Variants in ST6GALNAC6 observed in about 807,000 individuals in gnomAD.
ST6GALNAC6 encodes the protein ST6 N-acetylgalactosaminide alpha-2,6-sialyltransferase 6, also known as alpha-N-acetylgalactosaminide alpha-2,6-sialyltransferase 6.
In ST6GALNAC6, 19 loss-of-function variants were observed where a neutral mutation model predicts 34.3. That is an observed-to-expected ratio of 0.55 (90% CI 0.39 to 0.81). ST6GALNAC6 has a LOEUF of 0.81. ST6GALNAC6 is among the 40% of genes least tolerant of loss of function. ST6GALNAC6 has a pLI of 0.00. For synonymous variants in ST6GALNAC6, 185 were observed against 182.1 expected (o/e 1.02, Z -0.13); for missense variants, 377 against 467.7 (o/e 0.81, Z 1.79).
At chr9:127,898,318 G>A (rs1282298078) in intron 1 of ST6GALNAC6, among the ~76,000 whole-genome samples, 1 of 152,150 alleles carries the variant, frequency 6.6e-6, no homozygotes, top group Non-Finnish European at 1.5e-5. Context: ...GCTTGAACCC[G>A]GGAGGCGGAG....
chr9:127,897,679 A>C (rs949776987), intron 2 of ST6GALNAC6: 12 of 700,552 alleles, frequency 1.7e-5, no homozygotes, highest in Admixed American at 3.2e-5. Context: ...CCGTTAGAGC[A>C]AAAGACAGGA....
chr9:127,897,147 A>G, intron 2 of ST6GALNAC6: 2 of 982,844 alleles, frequency 2.0e-6, no homozygotes, highest in Non-Finnish European at 2.4e-6. Context: ...TGCTCCGCAC[A>G]CCCCAATCTC....
rs1384368996 is a variant in ST6GALNAC6, at chr9:127,886,340, CT to C, written c.*258del. 9.3e-7 allele frequency: 1 copy of C among 1,077,392 alleles called. No homozygotes were observed. 66.7% of individuals were successfully genotyped at this position (1,077,392 alleles called of 1,614,324 possible). A position where few individuals can be genotyped will look rare whatever the true frequency, so the allele number is the denominator to read the frequency against. ...CCTCAGATTGACTCAGAAATACCCC[CT>C]CTACCCTGATTGACTGTGCGCAGAC... On this transcript the variant is annotated 3_prime_UTR_variant, in exon 7 of 7. Coordinates refer to ENST00000373146, the MANE Select transcript of ST6GALNAC6 (RefSeq NM_013443.5).
chr9:127,905,606 T>C (rs756565110), upstream of ST6GALNAC6, among the ~76,000 whole-genome samples: 4 of 151,932 alleles, frequency 2.6e-5, no homozygotes, highest in Non-Finnish European at 4.4e-5. Flanking sequence ...AGACAACCAA[T>C]GGGGCAGGGG....
At chr9:127,896,719 G>A (rs1234439792) in intron 2 of ST6GALNAC6, among the ~76,000 whole-genome samples, 3 of 152,122 alleles carry the variant, frequency 2.0e-5, no homozygotes, top group African/African-American at 4.8e-5. Context: ...GTAGGCCCCC[G>A]AACTCCTCTG....
chr9:127,905,048 C>T (rs531666410), intron 1 of ST6GALNAC6: 3 of 252,908 alleles, frequency 1.2e-5, no homozygotes, highest in Admixed American at 6.5e-5. Context: ...GAGGCTTCCC[C>T]GGCTTCCCCT....
chr9:127,894,020 G>A (rs1307782078), intron 4 of ST6GALNAC6, among the ~76,000 whole-genome samples: 2 of 152,168 alleles, frequency 1.3e-5, no homozygotes, highest in African/African-American at 4.8e-5. Context: ...CCCTCACTGT[G>A]TGGCCTTAGA....
chr9:127,904,035 A>G (rs1026912318), upstream of ST6GALNAC6: 2 of 152,208 alleles, frequency 1.3e-5, no homozygotes, highest in Admixed American at 6.5e-5. Context: ...CTTGGGCCCC[A>G]AGAACGACAG....
chr9:127,891,354 G>C (rs986186553), intron 4 of ST6GALNAC6, among the ~76,000 whole-genome samples: 3 of 152,160 alleles, frequency 2.0e-5, no homozygotes, highest in African/African-American at 4.8e-5. Flanking sequence ...TGTAGCTCAT[G>C]CCTGTAATCC....
In ST6GALNAC6 at chr9:127,897,995, G is replaced by C. The variant is rs1830576369; in HGVS notation, c.-14C>G. 6.7e-7 allele frequency: 1 copy of C among 1,490,796 alleles called. No individual in the cohort carries two copies. The highest frequency in any genetic ancestry group is 9.3e-7 in the Non-Finnish European group (1 of 1,074,528). The allele number at this position is 1,490,796 out of a possible 1,614,324, so 92.3% of individuals were successfully genotyped here. A position where few individuals can be genotyped will look rare whatever the true frequency, so the allele number is the denominator to read the frequency against. ...CGAGCAAGCCATGTGACCTCTCTGA[G>C]CCTCAGTTTCCTCATCTGTGAAATG... On this transcript the variant is annotated 5_prime_UTR_variant, in exon 2 of 7. Transcript: ENST00000373146.
intron 4 of ST6GALNAC6, among the ~76,000 whole-genome samples, chr9:127,892,107 A>G (rs1385652689): frequency 1.3e-5 from 2 of 152,142 alleles, no homozygotes; most frequent in African/African-American, 2.4e-5. Context: ...CCCGAGATCG[A>G]GCCATTGCAC....
At chr9:127,892,954 G>C (rs1830236029) in intron 4 of ST6GALNAC6, among the ~76,000 whole-genome samples, 1 of 152,122 alleles carries the variant, frequency 6.6e-6, no homozygotes, top group Non-Finnish European at 1.5e-5. Flanking sequence ...TTCTGGGGGA[G>C]GCAGATTTGA....
intron 2 of ST6GALNAC6, chr9:127,896,894 T>C: frequency 1.0e-6 from 1 of 985,214 alleles, no homozygotes. Flanking sequence ...CCTCACTCAG[T>C]TTCCCTGTGC....
At chr9:127,898,543 T>C (rs887094790) in intron 1 of ST6GALNAC6, among the ~76,000 whole-genome samples, 6 of 152,246 alleles carry the variant, frequency 3.9e-5, no homozygotes, top group Non-Finnish European at 7.3e-5. Context: ...ACTCCTCCCC[T>C]GACCCCAGTG....
intron 2 of ST6GALNAC6, chr9:127,897,749 G>A: frequency 7.9e-7 from 1 of 1,265,414 alleles, no homozygotes; most frequent in Non-Finnish European, 1.1e-6. Context: ...GGCGCCCAGG[G>A]GTCCAGCCGC....
chr9:127,896,360 G>A lies in ST6GALNAC6; in HGVS notation c.27-28C>T, dbSNP rs762707456. The A allele has an allele frequency of 1.9e-6, 3 of 1,587,564 alleles. No homozygotes were observed. The East Asian group carries it at 6.7e-5, about 36-fold the overall frequency. ...GCAAGCCACCAGAAAGGGTTATTAT[G>A]GCTTCGGTCCTTTGGGTCCAGCAAG... On this transcript the variant is annotated intron_variant, in intron 2 of 6. Transcript: ENST00000373146.
chr9:127,886,594 G>C lies in ST6GALNAC6; in HGVS notation c.*5C>G. On this transcript the variant is annotated 3_prime_UTR_variant, in exon 7 of 7. Coordinates refer to ENST00000373146, the MANE Select transcript of ST6GALNAC6 (RefSeq NM_013443.5). ...ACCCTCCTGAGGTCCCACAGGCTGGGTGGCCTAGGTCCAGGAGGGGTGGGA... is the reference window on the plus strand; with the variant it reads ...ACCCTCCTGAGGTCCCACAGGCTGGCTGGCCTAGGTCCAGGAGGGGTGGGA... 6.2e-7 allele frequency: 1 copy of C among 1,613,804 alleles called. No individual in the cohort carries two copies. Among genetic ancestry groups the C allele is most frequent in the Non-Finnish European group, 8.5e-7 (1 of 1,179,862 alleles).
chr9:127,894,600 T>C lies in ST6GALNAC6; in HGVS notation c.209A>G (p.Tyr70Cys). The C allele has an allele frequency of 1.9e-6, 3 of 1,614,154 alleles. No homozygotes were observed. Among genetic ancestry groups the C allele is most frequent in the Non-Finnish European group, 2.5e-6 (3 of 1,180,022 alleles). The part of the protein sequence containing the change: ...SSNSANEVFH[Y>C]GSLRGRSRRP... ...GCGGCTACGGCCCCGCAGGGAGCCG[T>C]AATGGAAGACCTCATTGGCACTGTT... Residue 70 changes from tyrosine (Y) to cysteine (C), a missense_variant, in exon 4 of 7, where the codon TAC (tyrosine) becomes TGC (cysteine). Coordinates refer to ENST00000373146, the MANE Select transcript of ST6GALNAC6 (RefSeq NM_013443.5).
intron 2 of ST6GALNAC6, 97 bp downstream of exon 2, chr9:127,897,859 C>A: frequency 1.3e-6 from 2 of 1,595,262 alleles, no homozygotes; most frequent in Non-Finnish European, 1.7e-6. Flanking sequence ...CCAGGACCAC[C>A]GTCCCCCTGG....
Sources: allele counts gnomAD v4.1 joint callset (sites outside exome capture counted in the v4.1 genomes callset), GRCh38; gene constraint gnomAD v4.1.1; transcripts MANE v1.5; gene names NCBI Gene and HGNC (gene_info 2026-07-23, HGNC 2026-07-21).